Variants in ACOXL observed in about 807,000 individuals in gnomAD.
ACOXL encodes the protein acyl-CoA oxidase like, also known as acyl-coenzyme A oxidase-like protein.
ACOXL carries 70 observed loss-of-function variants against 71.9 expected under a neutral mutation model. The observed-to-expected ratio is 0.97, with a 90% CI of 0.80 to 1.19. The LOEUF (loss-of-function observed/expected upper bound fraction) is 1.19. Among genes scored for constraint, ACOXL ranks in the 50% most tolerant of loss-of-function variants. ACOXL has a pLI of 0.00. For missense variants in ACOXL, 703 were observed against 736.3 expected (o/e 0.95, Z 0.52); for synonymous variants, 253 against 281.6 (o/e 0.90, Z 1.02).
intron 13 of ACOXL, among the ~76,000 whole-genome samples, chr2:110,989,923 C>G (rs1307870049): frequency 6.6e-6 from 1 of 152,116 alleles, no homozygotes; most frequent in East Asian, 1.9e-4. Flanking sequence ...GCTTGTAATC[C>G]TAGCTACTTG....
intron 9 of ACOXL, among the ~76,000 whole-genome samples, chr2:110,822,520 C>T (rs976017990): frequency 1.3e-5 from 2 of 152,166 alleles, no homozygotes; most frequent in African/African-American, 4.8e-5. Context: ...TGCCTTTAGT[C>T]TTACTACATT....
intron 12 of ACOXL, among the ~76,000 whole-genome samples, chr2:110,956,756 T>TA (rs2149430737): frequency 6.6e-6 from 1 of 152,368 alleles, no homozygotes; most frequent in Admixed American, 6.5e-5. Flanking sequence ...TTTGTTCTGA[T>TA]ACCTTTATTA....
chr2:110,986,513 C>T (rs1184470050), intron 12 of ACOXL, among the ~76,000 whole-genome samples: 1 of 152,154 alleles, frequency 6.6e-6, no homozygotes, highest in East Asian at 1.9e-4. Context: ...GCACGCTGGT[C>T]CAAGGTGGCC....
intron 15 of ACOXL, among the ~76,000 whole-genome samples, chr2:111,038,077 A>T (rs1026095805): frequency 5.3e-5 from 8 of 152,352 alleles, no homozygotes; most frequent in African/African-American, 1.9e-4. Flanking sequence ...GCCAACATTC[A>T]GTGAGGGCTC....
intron 10 of ACOXL, among the ~76,000 whole-genome samples, chr2:110,855,847 G>A (rs1254974661): frequency 1.3e-5 from 2 of 152,190 alleles, no homozygotes; most frequent in African/African-American, 4.8e-5. Context: ...GTGAGCAGTA[G>A]CAAGGTTTAT....
chr2:111,000,198 G>A (rs1438382644), intron 14 of ACOXL, among the ~76,000 whole-genome samples: 1 of 152,156 alleles, frequency 6.6e-6, no homozygotes, highest in Admixed American at 6.5e-5. Context: ...AAAAATTATT[G>A]GAAACTGGAG....
At chr2:110,972,004 C>A (rs1475243479) in intron 12 of ACOXL, among the ~76,000 whole-genome samples, 1 of 152,114 alleles carries the variant, frequency 6.6e-6, no homozygotes, top group African/African-American at 2.4e-5. Context: ...AGCTTGTAAG[C>A]ATTATGGAAA....
At chr2:110,733,988 A>ATG (rs1461199194) in intron 1 of ACOXL, among the ~76,000 whole-genome samples, 1 of 152,156 alleles carries the variant, frequency 6.6e-6, no homozygotes, top group African/African-American at 2.4e-5. Context: ...AGACCACATG[A>ATG]TGTGTAGTAT....
chr2:110,763,577 A>C (rs966560204), intron 1 of ACOXL, among the ~76,000 whole-genome samples: 1 of 152,230 alleles, frequency 6.6e-6, no homozygotes, highest in African/African-American at 2.4e-5. Context: ...GTAAAATGTA[A>C]AACCATAAAA....
At chr2:111,108,006 A>G (rs980278447) in intron 17 of ACOXL, among the ~76,000 whole-genome samples, 1 of 152,246 alleles carries the variant, frequency 6.6e-6, no homozygotes, top group East Asian at 1.9e-4. Context: ...AATCCTTTCT[A>G]ATCTTTGCTG....
intron 11 of ACOXL, among the ~76,000 whole-genome samples, chr2:110,911,617 G>A (rs113734527): frequency 1.4e-3 from 208 of 152,096 alleles, no homozygotes; most frequent in African/African-American, 4.9e-3. Context: ...AAAAAAACAT[G>A]ATCATCCCCA....
intron 1 of ACOXL, among the ~76,000 whole-genome samples, chr2:110,767,936 A>G (rs968859277): frequency 1.6e-5 from 2 of 121,864 alleles, no homozygotes; most frequent in African/African-American, 6.4e-5. Flanking sequence ...ACACACACAC[A>G]CACACACACA....
At chr2:110,856,887 C>T (rs189530549) in intron 10 of ACOXL, among the ~76,000 whole-genome samples, 144 of 152,258 alleles carry the variant, frequency 9.5e-4, no homozygotes, top group African/African-American at 3.4e-3. Flanking sequence ...TATGGGATTC[C>T]AAGGACATTG....
intron 16 of ACOXL, among the ~76,000 whole-genome samples, chr2:111,064,933 C>T (rs1314221732): frequency 6.6e-6 from 1 of 152,092 alleles, no homozygotes; most frequent in Non-Finnish European, 1.5e-5. Context: ...TATTTATCCC[C>T]ATATCGAATA....
chr2:111,076,197 A>T lies in ACOXL; in HGVS notation c.1441-16668A>T, dbSNP rs114344558. ...TATCTATTACTGAAAGAGTAAAGTGACATATTCAACTATGCCTGTGGATCT... is the reference window on the plus strand; with the variant it reads ...TATCTATTACTGAAAGAGTAAAGTGTCATATTCAACTATGCCTGTGGATCT... On this transcript the variant is annotated intron_variant, in intron 16 of 17. Coordinates refer to ENST00000439055, the MANE Select transcript of ACOXL (RefSeq NM_001142807.4). Among the ~76,000 whole-genome samples the T allele has an allele frequency of 4.5e-3, 681 of 152,314 alleles. 7 individuals carry two copies. The highest frequency in any genetic ancestry group is 0.016 in the African/African-American group (651 of 41,580).
chr2:111,092,976 C>T lies in ACOXL; in HGVS notation c.1542+10C>T, dbSNP rs2068613774. 1 of 1,610,654 alleles carries T rather than the reference C, an allele frequency of 6.2e-7. No homozygotes were observed. Among genetic ancestry groups the T allele is most frequent in the South Asian group, 1.1e-5 (1 of 90,838 alleles). On this transcript the variant is annotated intron_variant, in intron 17 of 17. Transcript: ENST00000439055. ...GAGGATCAGGAATCAGGTAAGGTCCCTGGGGTACAGAAAAACACTTTGTAC... is the reference window on the plus strand; with the variant it reads ...GAGGATCAGGAATCAGGTAAGGTCCTTGGGGTACAGAAAAACACTTTGTAC...
At chr2:111,093,811 C>A in intron 17 of ACOXL, 1 of 327,282 alleles carries the variant, frequency 3.1e-6, no homozygotes, top group South Asian at 5.9e-5. Flanking sequence ...TTGCAGTGAG[C>A]AGAGATTGCG....
intron 10 of ACOXL, among the ~76,000 whole-genome samples, chr2:110,863,294 GA>G (rs760357853): frequency 5.3e-5 from 8 of 152,316 alleles, no homozygotes; most frequent in Non-Finnish European, 1.0e-4. Context: ...AACATGGAGA[GA>G]TGCTCATGAT....
At chr2:111,084,179 G>A (rs767397818) in intron 16 of ACOXL, among the ~76,000 whole-genome samples, 8 of 150,098 alleles carry the variant, frequency 5.3e-5, no homozygotes, top group Non-Finnish European at 8.9e-5. Flanking sequence ...AATAAAAAAC[G>A]GTTATGATTT....
Sources: allele counts gnomAD v4.1 joint callset (sites outside exome capture counted in the v4.1 genomes callset), GRCh38; gene constraint gnomAD v4.1.1; transcripts MANE v1.5; gene names NCBI Gene and HGNC (gene_info 2026-07-23, HGNC 2026-07-21).